Variants in TMPRSS5 observed in about 807,000 individuals in gnomAD.
TMPRSS5 encodes transmembrane protease serine 5.
A neutral mutation model predicts 59.7 loss-of-function variants in TMPRSS5; 45 were observed. The ratio of observed to expected loss-of-function variants is 0.75; its 90% confidence interval spans 0.59 to 0.97. The LOEUF is 0.97. TMPRSS5 is among the 50% of genes least tolerant of loss of function. The pLI is 0.00. For missense variants in TMPRSS5, 585 were observed against 596.7 expected (o/e 0.98, Z 0.20); for synonymous variants, 225 against 232.0 (o/e 0.97, Z 0.27).
chr11:113,703,338 A>G (rs975362648), intron 1 of TMPRSS5, among the ~76,000 whole-genome samples: 2 of 152,248 alleles, frequency 1.3e-5, no homozygotes, highest in Non-Finnish European at 2.9e-5. Flanking sequence ...AATTTCTCCC[A>G]TTTGGAATAG....
At chr11:113,705,229 A>ACCTC (rs966986850) in intron 1 of TMPRSS5, among the ~76,000 whole-genome samples, 2 of 151,978 alleles carry the variant, frequency 1.3e-5, no homozygotes, top group Non-Finnish European at 2.9e-5. Context: ...TCACGCCAAA[A>ACCTC]CCTCCCCAGT....
chr11:113,693,993 C>A (rs558898472), intron 8 of TMPRSS5, among the ~76,000 whole-genome samples: 1 of 152,340 alleles, frequency 6.6e-6, no homozygotes, highest in East Asian at 1.9e-4. Context: ...TGAGGCCAGG[C>A]ACGGTGGCTC....
rs1565263255 is a variant in TMPRSS5, at chr11:113,699,205, CTG to C, written c.206-180_206-179del. ...CTCTGCCTCTTTGACTCTCCTTTGTCTGTCTGTCTCTCTCTCTCTCTCTCTCT... is the reference window on the plus strand; with the variant it reads ...CTCTGCCTCTTTGACTCTCCTTTGTCTCTGTCTCTCTCTCTCTCTCTCTCT... On this transcript the variant is annotated intron_variant, in intron 3 of 12. Coordinates refer to ENST00000299882, the MANE Select transcript of TMPRSS5 (RefSeq NM_030770.4). 1.1e-3 allele frequency among the ~76,000 whole-genome samples: 75 copies of C among 70,458 alleles called. 8 individuals are homozygous for C. The highest frequency in any genetic ancestry group is 1.7e-3 in the Admixed American group (12 of 6,926). The allele number at this position is 70,458 out of a possible 152,430, so 46.2% of individuals were successfully genotyped here. A position where few individuals can be genotyped will look rare whatever the true frequency, so the allele number is the denominator to read the frequency against.
chr11:113,703,122 C>T (rs1953189193), intron 1 of TMPRSS5, among the ~76,000 whole-genome samples: 1 of 152,182 alleles, frequency 6.6e-6, no homozygotes, highest in African/African-American at 2.4e-5. Flanking sequence ...AAAGCTGCAG[C>T]CCATGAAAAC....
intron 7 of TMPRSS5, 134 bp downstream of exon 7, chr11:113,695,266 A>AGGCAGATG: frequency 1.1e-6 from 1 of 881,946 alleles, no homozygotes; most frequent in Non-Finnish European, 1.8e-6. Flanking sequence ...GGGGCCTGGC[A>AGGCAGATG]GGCAGATGGG....
At chr11:113,695,294 T>C in intron 7 of TMPRSS5, 106 bp downstream of exon 7, 1 of 1,280,384 alleles carries the variant, frequency 7.8e-7, no homozygotes, top group Non-Finnish European at 1.1e-6. Flanking sequence ...GCAAGACCCC[T>C]ACCCCAGGCC....
chr11:113,699,239 C>G lies in TMPRSS5; in HGVS notation c.206-212G>C, dbSNP rs868754095. 7.4e-3 allele frequency among the ~76,000 whole-genome samples: 558 copies of G among 75,644 alleles called. 21 individuals carry two copies. The highest frequency in any genetic ancestry group is 0.013 in the African/African-American group (160 of 12,244). 49.6% of individuals were successfully genotyped at this position (75,644 alleles called of 152,430 possible). ...TCTCTCTCTCTCTCTCTCTCTCTCT[C>G]TCTCTCTCTCTCTCTCTCTCTCTCT... On this transcript the variant is annotated intron_variant, in intron 3 of 12. Transcript: ENST00000299882.
rs139025124 is a variant in TMPRSS5 at position 113,692,367 on chromosome 11, C to T, written c.964+704G>A. ...CATGTTTGTGTGTGTGGTGTGTGTG[C>T]GCAAGTGTGTTCATGTGAGCACGTA... On this transcript the variant is annotated intron_variant, in intron 9 of 12. Transcript: ENST00000299882. Among the ~76,000 whole-genome samples the T allele has an allele frequency of 4.3e-4, 66 of 152,084 alleles. No homozygotes were observed. The East Asian group carries it at 5.4e-3, about 12-fold the overall frequency.
At chr11:113,706,085 C>A in intron 1 of TMPRSS5, 137 bp downstream of exon 1, 1 of 1,017,098 alleles carries the variant, frequency 9.8e-7, no homozygotes, top group Non-Finnish European at 1.5e-6. Flanking sequence ...CACAGGGCCC[C>A]TGCTAGGATC....
chr11:113,706,275 C>T lies in TMPRSS5; in HGVS notation c.-51G>A, dbSNP rs76633646. On this transcript the variant is annotated 5_prime_UTR_variant, in exon 1 of 13. Coordinates refer to ENST00000299882, the MANE Select transcript of TMPRSS5 (RefSeq NM_030770.4). ...CCTCAGGGTCTACTAGGCAATGTTC[C>T]GCTCCTGTTCTCAGGCCAGCATTGA... is the stretch of plus-strand genomic sequence containing the variant. 8.7e-4 allele frequency: 1,391 copies of T among 1,590,550 alleles called. 13 individuals are homozygous for T. The African/African-American group carries it at 0.016, about 18-fold the overall frequency.
At chr11:113,701,698 C>G (rs535160907) in intron 1 of TMPRSS5, among the ~76,000 whole-genome samples, 9 of 152,258 alleles carry the variant, frequency 5.9e-5, no homozygotes, top group Non-Finnish European at 1.3e-4. Context: ...TGGAAAATCA[C>G]TGATCTGTTT....
At chr11:113,694,244 CAAAA>C in intron 8 of TMPRSS5, 89 of 202,094 alleles carry the variant, frequency 4.4e-4, no homozygotes, top group Middle Eastern at 1.3e-3. Flanking sequence ...GACTCTGTCT[CAAAA>C]AAAAAAAAAA....
At chr11:113,706,170 G>C in intron 1 of TMPRSS5, 52 bp downstream of exon 1, 1 of 1,578,756 alleles carries the variant, frequency 6.3e-7, no homozygotes, top group East Asian at 2.3e-5. Flanking sequence ...GAGGGAGAGA[G>C]AAAGAAAGAG....
chr11:113,704,927 T>C (rs970066067), intron 1 of TMPRSS5, among the ~76,000 whole-genome samples: 3 of 151,550 alleles, frequency 2.0e-5, no homozygotes, highest in African/African-American at 7.3e-5. Context: ...ATAATGTGAA[T>C]TAAAATGACT....
At position 113,689,903 on chromosome 11, in the gene TMPRSS5, G is replaced by GC. The variant is rs775076525; in HGVS notation, c.1220dup (p.Leu409ProfsTer35). On this transcript the variant is annotated frameshift_variant, in exon 12 of 13. Coordinates refer to ENST00000299882, the MANE Select transcript of TMPRSS5 (RefSeq NM_030770.4). LOFTEE classifies it high-confidence loss of function. The stretch of plus-strand genomic sequence containing the variant: ...TGTCCCCATCTGGGCACACTAGGGG[G>GC]CCCCCGCTATCTCCCTAAGGGATCC... 6.4e-7 allele frequency: 1 copy of GC among 1,561,468 alleles called. No individual in the cohort carries two copies. Among genetic ancestry groups the GC allele is most frequent in the South Asian group, 1.2e-5 (1 of 84,574 alleles).
At chr11:113,688,991 C>T (rs959124498) in intron 12 of TMPRSS5, among the ~76,000 whole-genome samples, 3 of 152,210 alleles carry the variant, frequency 2.0e-5, no homozygotes, top group African/African-American at 4.8e-5. Context: ...GCTCTCTCCA[C>T]AGTGCAGGGA....
At position 113,700,052 on chromosome 11, in the gene TMPRSS5, C is replaced by G; in HGVS notation, c.106+14G>C. The G allele has an allele frequency of 6.4e-7, 1 of 1,556,570 alleles. No homozygotes were observed. The highest frequency in any genetic ancestry group is 8.7e-7 in the Non-Finnish European group (1 of 1,149,572). On this transcript the variant is annotated intron_variant, in intron 2 of 12. Transcript: ENST00000299882. ...CCCCACCCTGTCATTCCCCTATGGC[C>G]CAGTCTGGCCTACTGGGATGCTGCT... is the stretch of plus-strand genomic sequence containing the variant.
In TMPRSS5 at chr11:113,699,126, C is replaced by G. The variant is rs555506713; in HGVS notation, c.206-99G>C. The G allele has an allele frequency of 1.0e-5, 14 of 1,369,340 alleles. No homozygotes were observed. The East Asian group carries it at 3.0e-4, about 29-fold the overall frequency. The allele number at this position is 1,369,340 out of a possible 1,614,324, so 84.8% of individuals were successfully genotyped here. A position where few individuals can be genotyped will look rare whatever the true frequency, so the allele number is the denominator to read the frequency against. On this transcript the variant is annotated intron_variant, in intron 3 of 12. Transcript: ENST00000299882. The stretch of plus-strand genomic sequence containing the variant: ...ACCTTGCTCTCAGGCAGCTCCCCAA[C>G]CAACCTGCTGAGGAGGGGCATAGCG...
In TMPRSS5 at chr11:113,689,826, T is replaced by C. The variant is rs1018111124; in HGVS notation, c.1298A>G (p.Asn433Ser). ...TACCTTGGCGTAGACACCTGGGTGA[T>C]TGGGCTCTGCGCAGCCACGCCCCCA... is the stretch of plus-strand genomic sequence containing the variant. ...VSWGRGCAEP[N>S]HPGVYAKVAE... The change falls in exon 12 of 13, where the codon AAT becomes AGT. Residue 433 changes from asparagine (N) to serine (S), a missense_variant. Transcript: ENST00000299882. The C allele has an allele frequency of 7.5e-6, 12 of 1,603,124 alleles. No individual in the cohort carries two copies. The highest frequency in any genetic ancestry group is 1.3e-5 in the African/African-American group (1 of 74,696).
Sources: gnomAD v4.1 joint callset for allele counts (sites outside exome capture counted in the v4.1 genomes callset) on GRCh38, gnomAD v4.1.1 for gene constraint, MANE v1.5 for transcripts, NCBI Gene and HGNC (gene_info 2026-07-23, HGNC 2026-07-21) for gene names.